Variants in CTIF observed in about 807,000 individuals in gnomAD.
The protein encoded by CTIF is cap binding complex dependent translation initiation factor.
In CTIF, 21 loss-of-function variants were observed where a neutral mutation model predicts 66.0. The observed-to-expected ratio is 0.32, with a 90% confidence interval of 0.23 to 0.46. The LOEUF is 0.46. Ranked by LOEUF, CTIF falls within the 20% of genes least tolerant of loss-of-function variation. CTIF has a pLI of 1.00. For missense variants in CTIF, 739 were observed against 812.7 expected, an observed-to-expected ratio of 0.91 and a Z score of 1.10; for synonymous variants, 345 against 326.4, an observed-to-expected ratio of 1.06 and a Z score of -0.62.
intron 9 of CTIF, among the ~76,000 whole-genome samples, chr18:48,771,891 G>A (rs779346299): frequency 1.1e-4 from 16 of 152,364 alleles, no homozygotes; most frequent in Admixed American, 7.8e-4. Flanking sequence ...GGGCACGGCC[G>A]GCCCAGACAG....
chr18:48,567,345 T>C (rs2089301274), intron 1 of CTIF: 1 of 152,186 alleles, frequency 6.6e-6, no homozygotes, highest in Non-Finnish European at 1.5e-5. Context: ...GGAAGAACGA[T>C]ATTCTGTTTA....
chr18:48,783,330 T>G (rs1039867972), intron 9 of CTIF, among the ~76,000 whole-genome samples: 1 of 152,216 alleles, frequency 6.6e-6, no homozygotes, highest in Non-Finnish European at 1.5e-5. Flanking sequence ...GACTGGCTAC[T>G]ACTCTGAGAT....
intron 10 of CTIF, among the ~76,000 whole-genome samples, chr18:48,846,127 G>A (rs1309222380): frequency 6.6e-6 from 1 of 152,216 alleles, no homozygotes; most frequent in Admixed American, 6.5e-5. Context: ...GGCATCTAGA[G>A]CCCTTAAATA....
At chr18:48,675,640 G>T (rs2091615904) in intron 6 of CTIF, among the ~76,000 whole-genome samples, 1 of 152,224 alleles carries the variant, frequency 6.6e-6, no homozygotes, top group African/African-American at 2.4e-5. Context: ...ACACTAAGGT[G>T]TAGGGAAGCT....
chr18:48,695,121 TGGAAGAAGGGAGAG>T (rs76355782), intron 6 of CTIF, among the ~76,000 whole-genome samples: 22,018 of 152,218 alleles, frequency 0.14, 3,596 homozygotes, highest in African/African-American at 0.41. Context: ...GCACAGAATT[TGGAAGAAGGGAGAG>T]GGAAGAAGTG....
chr18:48,729,493 C>T (rs892544549), intron 7 of CTIF, among the ~76,000 whole-genome samples: 6 of 152,192 alleles, frequency 3.9e-5, no homozygotes, highest in African/African-American at 1.4e-4. Context: ...GCCTTTCTCA[C>T]AGCAGCCGCC....
chr18:48,664,909 C>CTTTTT (rs368586647), intron 5 of CTIF, among the ~76,000 whole-genome samples: 4 of 62,138 alleles, frequency 6.4e-5, no homozygotes, highest in Non-Finnish European at 7.6e-5. Flanking sequence ...GTGTTTCTTT[C>CTTTTT]TTTTTTTTTT....
chr18:48,746,316 A>C (rs914305370), intron 7 of CTIF, among the ~76,000 whole-genome samples: 1 of 151,896 alleles, frequency 6.6e-6, no homozygotes, highest in African/African-American at 2.4e-5. Context: ...CAGGCTCCAC[A>C]CTTTCCCTCT....
At position 48,559,182 on chromosome 18, in the gene CTIF, GT is replaced by G. The variant is rs201173166; in HGVS notation, c.-29+19873del. Among the ~76,000 whole-genome samples the G allele has an allele frequency of 5.4e-4, 82 of 151,304 alleles. No homozygotes were observed. In the East Asian group the frequency reaches 0.015, roughly 28 times the overall value. On this transcript the variant is annotated intron_variant, in intron 1 of 11. Coordinates refer to ENST00000256413, the MANE Select transcript of CTIF (RefSeq NM_014772.3). The stretch of plus-strand genomic sequence containing the variant: ...ACTCTGGAGTCTCATTGTCAAATTT[GT>G]TTATGTGCTCATACAAATTTTAAAA...
chr18:48,607,453 A>G (rs2090224153), intron 1 of CTIF, among the ~76,000 whole-genome samples: 1 of 152,236 alleles, frequency 6.6e-6, no homozygotes, highest in Admixed American at 6.5e-5. Flanking sequence ...TGTGCCCATC[A>G]GCAGCCGTCT....
At chr18:48,607,565 A>G (rs2090227097) in intron 1 of CTIF, among the ~76,000 whole-genome samples, 1 of 152,210 alleles carries the variant, frequency 6.6e-6, no homozygotes, top group Admixed American at 6.5e-5. Flanking sequence ...CTGAATGTCT[A>G]TGGTGAGGTC....
At chr18:48,760,016 T>G (rs1378349454) in intron 8 of CTIF, among the ~76,000 whole-genome samples, 1 of 152,138 alleles carries the variant, frequency 6.6e-6, no homozygotes, top group Non-Finnish European at 1.5e-5. Context: ...GAGCAACACT[T>G]TCCTTCTCTC....
chr18:48,602,840 T>C (rs2090116669), intron 1 of CTIF, among the ~76,000 whole-genome samples: 1 of 148,916 alleles, frequency 6.7e-6, no homozygotes, highest in Non-Finnish European at 1.5e-5. Flanking sequence ...AATGGATGGA[T>C]GGATGGATGA....
chr18:48,809,210 A>AT (rs1237659737), intron 9 of CTIF, among the ~76,000 whole-genome samples: 2 of 152,196 alleles, frequency 1.3e-5, no homozygotes, highest in African/African-American at 4.8e-5. Flanking sequence ...GATTTTGTGT[A>AT]TTAATTTTGT....
intron 7 of CTIF, among the ~76,000 whole-genome samples, chr18:48,713,499 C>T (rs1298984085): frequency 1.3e-5 from 2 of 152,068 alleles, no homozygotes; most frequent in African/African-American, 2.4e-5. Context: ...CGGCATGCAA[C>T]GGCTGGGAAG....
intron 1 of CTIF, among the ~76,000 whole-genome samples, chr18:48,557,807 A>T (rs1021762765): frequency 3.9e-5 from 6 of 152,234 alleles, no homozygotes; most frequent in South Asian, 4.1e-4. Flanking sequence ...GCTGGGTCCC[A>T]CACGGTCTCT....
At chr18:48,817,186 C>T in intron 9 of CTIF, 35 bp from the exon 10 acceptor site, 2 of 1,601,180 alleles carry the variant, frequency 1.2e-6, no homozygotes, top group Non-Finnish European at 1.7e-6. Flanking sequence ...CTCCCCAGCC[C>T]CGGGAGGCTG....
At chr18:48,723,546 G>T (rs779473253) in intron 7 of CTIF, among the ~76,000 whole-genome samples, 2 of 152,212 alleles carry the variant, frequency 1.3e-5, no homozygotes, top group Non-Finnish European at 2.9e-5. Context: ...CACTCGATGA[G>T]CACCCAGAGG....
chr18:48,694,879 T>G (rs570613628), intron 6 of CTIF, among the ~76,000 whole-genome samples: 6 of 152,052 alleles, frequency 3.9e-5, no homozygotes, highest in Non-Finnish European at 8.8e-5. Context: ...ATGCTTAAAA[T>G]ACAGTTCCAC....
Sources: gnomAD v4.1 joint callset for allele counts (sites outside exome capture counted in the v4.1 genomes callset) on GRCh38, gnomAD v4.1.1 for gene constraint, MANE v1.5 for transcripts, NCBI Gene and HGNC (gene_info 2026-07-23, HGNC 2026-07-21) for gene names.